The following GSTK1 variants were observed in gnomAD, a reference collection of about 807,000 sequenced individuals.
GSTK1 encodes glutathione S-transferase kappa 1, also known as GST class-kappa.
A neutral mutation model predicts 30.9 loss-of-function variants in GSTK1; 25 were observed. The ratio of observed to expected loss-of-function variants is 0.81; its 90% confidence interval spans 0.59 to 1.13. The LOEUF (loss-of-function observed/expected upper bound fraction) is 1.13, where lower values mean the gene tolerates loss of function less well. GSTK1 is among the 50% of genes most tolerant of loss of function. GSTK1 has a pLI of 0.00. For missense variants in GSTK1, 292 were observed against 292.4 expected, an observed-to-expected ratio of 1.00 and a Z score of 0.01; for synonymous variants, 108 against 112.5, an observed-to-expected ratio of 0.96 and a Z score of 0.25.
chr7:143,264,692 T>A lies in GSTK1; in HGVS notation c.283+16T>A. 6.2e-7 allele frequency: 1 copy of A among 1,613,776 alleles called. No homozygotes were observed. The highest frequency in any genetic ancestry group is 1.1e-5 in the South Asian group (1 of 91,076). Reference sequence around the variant, plus strand: ...CTTGAAAAAGGTGAAGAGAGTGGGATGTAGACAGGGTATCCAGTGAAAAAC... The same window carrying A: ...CTTGAAAAAGGTGAAGAGAGTGGGAAGTAGACAGGGTATCCAGTGAAAAAC... On this transcript the variant is annotated intron_variant, in intron 3 of 7. Coordinates refer to ENST00000358406, the MANE Select transcript of GSTK1 (RefSeq NM_015917.3).
At chr7:143,266,292 A>C (rs991942102) in intron 5 of GSTK1, among the ~76,000 whole-genome samples, 1 of 151,858 alleles carries the variant, frequency 6.6e-6, no homozygotes, top group African/African-American at 2.4e-5. Context: ...CCACCTCCCA[A>C]AGTGCTGTGT....
chr7:143,263,823 G>A (rs1213313815), intron 1 of GSTK1: 3 of 602,672 alleles, frequency 5.0e-6, no homozygotes. Context: ...TGGAAAGAGG[G>A]GCGGCTCCAA....
Position 143,263,472 on chromosome 7 carries a change from A to G in GSTK1, c.-42A>G, listed in dbSNP as rs1800768856. ...TGGGCAGCCTCTGCCGGGTTCCGGG[A>G]AAAGGAGCTCCTGCTGCCACTGCTC... is the stretch of plus-strand genomic sequence containing the variant. On this transcript the variant is annotated 5_prime_UTR_variant, in exon 1 of 8. Transcript: ENST00000358406. The G allele has an allele frequency of 6.3e-7, 1 of 1,580,128 alleles. No individual in the cohort carries two copies. The highest frequency in any genetic ancestry group is 1.3e-5 in the African/African-American group (1 of 74,546).
Position 143,268,322 on chromosome 7 carries a change from C to G in GSTK1, c.631+138C>G. On this transcript the variant is annotated intron_variant, in intron 7 of 7. Transcript: ENST00000358406. This position sits in a 1 kb window ranked among gnomAD's most constrained non-coding sequence, Gnocchi z 4.1. ...CCTGGCCAACATGGTGAAACCCCGTCTCTACTAAAAATATAAAAATTAGCT... is the reference window on the plus strand; with the variant it reads ...CCTGGCCAACATGGTGAAACCCCGTGTCTACTAAAAATATAAAAATTAGCT... 1 of 639,178 alleles carries G rather than the reference C, an allele frequency of 1.6e-6. No homozygotes were observed. Among genetic ancestry groups the G allele is most frequent in the East Asian group, 2.8e-5 (1 of 36,344 alleles). The allele number at this position is 639,178 out of a possible 1,614,324, so 39.6% of individuals were successfully genotyped here. A position where few individuals can be genotyped will look rare whatever the true frequency, so the allele number is the denominator to read the frequency against.
Position 143,263,566 on chromosome 7 carries a change from A to C in GSTK1, c.53A>C (p.Tyr18Ser). Residue 18 changes from tyrosine to serine, a missense_variant, in exon 1 of 8, where the codon TAC (tyrosine) becomes TCC (serine). Tyr to Ser is a moderately radical substitution (Grantham distance 144, BLOSUM62 -2). Coordinates refer to ENST00000358406, the MANE Select transcript of GSTK1 (RefSeq NM_015917.3). Reference sequence around the variant, plus strand: ...CTCTTCTATGACGTGCTGTCCCCCTACTCCTGGCTGGGCTTCGAGGTGACG... The same window carrying C: ...CTCTTCTATGACGTGCTGTCCCCCTCCTCCTGGCTGGGCTTCGAGGTGACG... ...VELFYDVLSP[Y>S]SWLGFEILCR... The C allele has an allele frequency of 6.2e-7, 1 of 1,608,998 alleles. No individual in the cohort carries two copies. Among genetic ancestry groups the C allele is most frequent in the Non-Finnish European group, 8.5e-7 (1 of 1,179,748 alleles).
chr7:143,265,254 T>C lies in GSTK1; in HGVS notation c.385-7T>C, dbSNP rs757814489. On this transcript the variant is annotated splice_polypyrimidine_tract_variant and splice_region_variant and intron_variant, in intron 4 of 7. Transcript: ENST00000358406. The stretch of plus-strand genomic sequence containing the variant: ...ACCGCCTTCCTGCTGTCTTCTCTTC[T>C]TCCCAGAATGAAGACATCACCGAGC... The C allele has an allele frequency of 6.2e-7, 1 of 1,605,664 alleles. No individual in the cohort carries two copies. The highest frequency in any genetic ancestry group is 8.5e-7 in the Non-Finnish European group (1 of 1,176,218).
intron 6 of GSTK1, 135 bp downstream of exon 6, chr7:143,267,868 T>G (rs1229383778): frequency 2.8e-6 from 2 of 712,850 alleles, no homozygotes; most frequent in Non-Finnish European, 4.9e-6. Context: ...TAAACAACCC[T>G]CATCTTCTTC....
chr7:143,263,756 T>TA lies in GSTK1; in HGVS notation c.72+172dup, dbSNP rs1048020206. 5 of 637,752 alleles carry TA rather than the reference T, an allele frequency of 7.8e-6. No individual in the cohort carries two copies. In the African/African-American group the frequency reaches 9.2e-5, roughly 12 times the overall value. 39.5% of individuals were successfully genotyped at this position (637,752 alleles called of 1,614,324 possible). A position where few individuals can be genotyped will look rare whatever the true frequency, so the allele number is the denominator to read the frequency against. ...GGTCACTTTGTGCTTTTAAACGGAATAGAGTCGCTGGCTCCAACCCGAGCC... is the reference window on the plus strand; with the variant it reads ...GGTCACTTTGTGCTTTTAAACGGAATAAGAGTCGCTGGCTCCAACCCGAGCC... On this transcript the variant is annotated intron_variant, in intron 1 of 7. Transcript: ENST00000358406.
chr7:143,264,512 T>G (rs1464389916), intron 2 of GSTK1, 36 bp from the exon 3 acceptor site: 2 of 1,612,652 alleles, frequency 1.2e-6, no homozygotes. Flanking sequence ...CCCTTAGGTC[T>G]TTTCTCACTT....
At chr7:143,266,904 C>T (rs1800897159) in intron 5 of GSTK1, among the ~76,000 whole-genome samples, 1 of 151,946 alleles carries the variant, frequency 6.6e-6, no homozygotes, top group African/African-American at 2.4e-5. Flanking sequence ...GAAGCAATCT[C>T]CTGCCTCAGT....
Position 143,264,633 on chromosome 7 carries a change from C to G in GSTK1, c.240C>G (p.Pro80=). The stretch of plus-strand genomic sequence containing the variant: ...TCCTGAGACACCATCTCCAGATTCC[C>G]ATCCACTTCCCCAAGGATTTCTTGT... ...LKLLRHHLQI[P]IHFPKDFLSV... is the part of the protein sequence containing the mutation. Residue 80 remains proline, a synonymous_variant, in exon 3 of 8, where the codon CCC becomes CCG. Coordinates refer to ENST00000358406, the MANE Select transcript of GSTK1 (RefSeq NM_015917.3). 6.2e-7 allele frequency: 1 copy of G among 1,614,100 alleles called. No individual in the cohort carries two copies. The highest frequency in any genetic ancestry group is 8.5e-7 in the Non-Finnish European group (1 of 1,179,968).
rs112428060 is a variant in GSTK1 at position 143,266,626 on chromosome 7, T to C, written c.421-991T>C. On this transcript the variant is annotated intron_variant, in intron 5 of 7. Coordinates refer to ENST00000358406, the MANE Select transcript of GSTK1 (RefSeq NM_015917.3). Reference sequence around the variant, plus strand: ...CTTTCCCCTGGAATTGTGATGTAATTGTTCTTGTTCTTTTTTTTCTTTCTT... The same window carrying C: ...CTTTCCCCTGGAATTGTGATGTAATCGTTCTTGTTCTTTTTTTTCTTTCTT... 1.9e-4 allele frequency among the ~76,000 whole-genome samples: 29 copies of C among 151,290 alleles called. 1 individual carries two copies. Among genetic ancestry groups the C allele is most frequent in the African/African-American group, 6.6e-4 (27 of 41,208 alleles).
At chr7:143,266,785 C>A (rs145137200) in intron 5 of GSTK1, among the ~76,000 whole-genome samples, 2 of 149,546 alleles carry the variant, frequency 1.3e-5, no homozygotes, top group East Asian at 4.0e-4. Context: ...CTCAGCCTTA[C>A]GAGTAGCTGG....
rs1800938270 is a variant in GSTK1 at position 143,268,191 on chromosome 7, AAGTT to A, written c.631+9_631+12del. 6.2e-7 allele frequency: 1 copy of A among 1,610,996 alleles called. No homozygotes were observed. Among genetic ancestry groups the A allele is most frequent in the South Asian group, 1.1e-5 (1 of 90,808 alleles). On this transcript the variant is annotated splice_region_variant and intron_variant, in intron 7 of 7. Transcript: ENST00000358406. The surrounding 1 kb of genome is among the most constrained non-coding windows in gnomAD (Gnocchi z 4.1). ...CTGCTGGCGCACCTGCTGGGTAAGT[AAGTT>A]AAAGAATCAACCCTGAGCCAGGTGC...
rs765535237 is a variant in GSTK1 at position 143,268,053 on chromosome 7, C to T, written c.538-38C>T. 4 of 1,516,976 alleles carry T rather than the reference C, an allele frequency of 2.6e-6. No homozygotes were observed. The allele number at this position is 1,516,976 out of a possible 1,614,324, so 94.0% of individuals were successfully genotyped here. ...TTCAACCCCTGCCTAATACCTGCTCCTTTGCCTTCCTCCTTGCATTGTAAC... is the reference window on the plus strand; with the variant it reads ...TTCAACCCCTGCCTAATACCTGCTCTTTTGCCTTCCTCCTTGCATTGTAAC... On this transcript the variant is annotated intron_variant, in intron 6 of 7. Transcript: ENST00000358406. This position sits in a 1 kb window ranked among gnomAD's most constrained non-coding sequence, Gnocchi z 4.1.
intron 5 of GSTK1, among the ~76,000 whole-genome samples, chr7:143,267,415 A>G (rs1233118482): frequency 6.6e-6 from 1 of 152,152 alleles, no homozygotes; most frequent in East Asian, 1.9e-4. Context: ...TGTGCCATCT[A>G]CCTTTTCTCC....
At chr7:143,265,432 T>C in intron 5 of GSTK1, 136 bp downstream of exon 5, 5 of 827,812 alleles carry the variant, frequency 6.0e-6, no homozygotes, top group Non-Finnish European at 9.2e-6. Context: ...ATGTCTGTGA[T>C]TCAGGGCACA....
rs1800921299 is a variant in GSTK1 at position 143,267,701 on chromosome 7, AAGG to A, written c.508_510del (p.Glu170del). 4.3e-6 allele frequency: 7 copies of A among 1,611,334 alleles called. No individual in the cohort carries two copies. Among genetic ancestry groups the A allele is most frequent in the Non-Finnish European group, 5.9e-6 (7 of 1,177,514 alleles). The stretch of plus-strand genomic sequence containing the variant: ...AACGCCAAAGGTGAAGAACCAGCTC[AAGG>A]AGACCACTGAGGCAGCCTGCAGATA... On this transcript the variant is annotated inframe_deletion, in exon 6 of 8. Transcript: ENST00000358406.
intron 5 of GSTK1, 56 bp downstream of exon 5, chr7:143,265,352 C>T (rs184706110): frequency 2.8e-6 from 4 of 1,433,094 alleles, no homozygotes; most frequent in East Asian, 4.9e-5. Flanking sequence ...GAACAGTTGG[C>T]GTTTGGGGGT....
Sources: gnomAD v4.1 joint callset for allele counts (sites outside exome capture counted in the v4.1 genomes callset) on GRCh38, gnomAD v4.1.1 for gene constraint, Gnocchi (gnomAD v3.1) non-coding constraint, MANE v1.5 for transcripts, NCBI Gene and HGNC (gene_info 2026-07-23, HGNC 2026-07-21) for gene names.